CSRNP3: variants seen among roughly 807,000 people sequenced by gnomAD.
The protein encoded by CSRNP3 is cysteine and serine rich nuclear protein 3, also known as cysteine/serine-rich nuclear protein 3.
In CSRNP3, 12 loss-of-function variants were observed where a neutral mutation model predicts 48.0. The ratio of observed to expected loss-of-function variants is 0.25; its 90% CI spans 0.16 to 0.41. The LOEUF (loss-of-function observed/expected upper bound fraction) is 0.41, where lower values mean the gene tolerates loss of function less well. Among genes scored for constraint, CSRNP3 ranks in the 10% least tolerant of loss-of-function variants. The probability of loss-of-function intolerance (pLI) is 1.00; values close to 1 mark genes in which losing one functional copy is unlikely to be tolerated. For missense variants in CSRNP3, 580 were observed against 724.4 expected, an observed-to-expected ratio of 0.80 and a Z score of 2.29; for synonymous variants, 263 against 269.7, an observed-to-expected ratio of 0.98 and a Z score of 0.24.
intron 4 of CSRNP3, among the ~76,000 whole-genome samples, chr2:165,611,312 A>C (rs1028886973): frequency 6.6e-6 from 1 of 151,964 alleles, no homozygotes; most frequent in Non-Finnish European, 1.5e-5. Context: ...GATGATAACT[A>C]TGTGAGGCAA....
intron 3 of CSRNP3, among the ~76,000 whole-genome samples, chr2:165,549,012 CT>C (rs5836044): frequency 1.6e-4 from 23 of 143,200 alleles, no homozygotes; most frequent in Admixed American, 1.4e-4. Flanking sequence ...GAGGTAATGT[CT>C]TTTTTTTTTT....
At chr2:165,652,417 T>C (rs1686926941) in intron 4 of CSRNP3, among the ~76,000 whole-genome samples, 1 of 151,598 alleles carries the variant, frequency 6.6e-6, no homozygotes. Context: ...GGGAATTGCT[T>C]GGACCCAGGA....
chr2:165,495,660 T>C (rs551045172), intron 2 of CSRNP3, among the ~76,000 whole-genome samples: 1 of 152,142 alleles, frequency 6.6e-6, no homozygotes, highest in African/African-American at 2.4e-5. Flanking sequence ...AATCTCAAAA[T>C]TATATTTCAG....
intron 4 of CSRNP3, among the ~76,000 whole-genome samples, chr2:165,628,599 C>T (rs1175641966): frequency 1.3e-5 from 2 of 152,054 alleles, no homozygotes; most frequent in Non-Finnish European, 2.9e-5. Context: ...TGGTGGGCGC[C>T]TATAATCCCA....
At chr2:165,664,256 G>A (rs1280845535) in intron 5 of CSRNP3, among the ~76,000 whole-genome samples, 1 of 152,112 alleles carries the variant, frequency 6.6e-6, no homozygotes, top group Non-Finnish European at 1.5e-5. Context: ...TACAGACTAG[G>A]TCACTGTCCA....
At chr2:165,483,595 T>G (rs1156766141) in intron 1 of CSRNP3, among the ~76,000 whole-genome samples, 1 of 152,238 alleles carries the variant, frequency 6.6e-6, no homozygotes, top group Non-Finnish European at 1.5e-5. Context: ...CAATCAGTTC[T>G]GGTTACCACA....
At chr2:165,616,769 G>T (rs1686251510) in intron 4 of CSRNP3, among the ~76,000 whole-genome samples, 1 of 152,126 alleles carries the variant, frequency 6.6e-6, no homozygotes, top group Non-Finnish European at 1.5e-5. Context: ...GATTGTTTCA[G>T]CTTCTTGTGT....
At chr2:165,644,761 A>G (rs1291695206) in intron 4 of CSRNP3, among the ~76,000 whole-genome samples, 1 of 152,236 alleles carries the variant, frequency 6.6e-6, no homozygotes. Context: ...TGATAATTCT[A>G]TGCCAGACAT....
intron 4 of CSRNP3, among the ~76,000 whole-genome samples, chr2:165,628,930 A>G (rs1686485893): frequency 6.6e-6 from 1 of 152,166 alleles, no homozygotes; most frequent in Non-Finnish European, 1.5e-5. Context: ...AAAGAAAAAG[A>G]AACACTAAGG....
intron 5 of CSRNP3, among the ~76,000 whole-genome samples, chr2:165,660,430 G>A (rs1486371421): frequency 1.3e-5 from 2 of 151,990 alleles, no homozygotes; most frequent in Non-Finnish European, 2.9e-5. Flanking sequence ...GCTCCTATAG[G>A]CATTGAGAAA....
chr2:165,485,911 A>G (rs1467459281), intron 1 of CSRNP3, among the ~76,000 whole-genome samples: 2 of 152,184 alleles, frequency 1.3e-5, no homozygotes, highest in Admixed American at 1.3e-4. Flanking sequence ...TGCCTCAGCC[A>G]TCATCAAATA....
intron 4 of CSRNP3, among the ~76,000 whole-genome samples, chr2:165,614,058 C>CTCTTCAATGTCTTTCATCAGACATT (rs1294662894): frequency 6.6e-6 from 1 of 151,940 alleles, no homozygotes; most frequent in Non-Finnish European, 1.5e-5. Flanking sequence ...TTTTTGTGTC[C>CTCTTCAATGTCTTTCATCAGACATT]TCTTCAATGT....
At chr2:165,565,834 G>T (rs1429720657) in intron 3 of CSRNP3, among the ~76,000 whole-genome samples, 1 of 152,036 alleles carries the variant, frequency 6.6e-6, no homozygotes, top group African/African-American at 2.4e-5. Context: ...AATCTGCACA[G>T]AATACTTTTA....
chr2:165,652,086 T>A (rs903203283), intron 4 of CSRNP3, among the ~76,000 whole-genome samples: 2 of 152,242 alleles, frequency 1.3e-5, no homozygotes, highest in African/African-American at 4.8e-5. Flanking sequence ...AACACCAATA[T>A]GGCCAGATAT....
At chr2:165,643,290 C>G (rs1054608629) in intron 4 of CSRNP3, among the ~76,000 whole-genome samples, 1 of 152,152 alleles carries the variant, frequency 6.6e-6, no homozygotes, top group Non-Finnish European at 1.5e-5. Context: ...CTTACTTGGA[C>G]CATTTCTCAA....
chr2:165,637,558 A>G (rs1686651466), intron 4 of CSRNP3, among the ~76,000 whole-genome samples: 1 of 152,208 alleles, frequency 6.6e-6, no homozygotes, highest in South Asian at 2.1e-4. Context: ...CTGCTCTGCA[A>G]CATACTTTAT....
At chr2:165,622,396 T>C (rs1686355280) in intron 4 of CSRNP3, among the ~76,000 whole-genome samples, 1 of 152,192 alleles carries the variant, frequency 6.6e-6, no homozygotes, top group African/African-American at 2.4e-5. Flanking sequence ...TTGATATCTA[T>C]ATATTAGTTT....
chr2:165,506,284 T>A (rs1684425323), intron 2 of CSRNP3, among the ~76,000 whole-genome samples: 1 of 152,326 alleles, frequency 6.6e-6, no homozygotes, highest in African/African-American at 2.4e-5. Flanking sequence ...TGTCCATTTG[T>A]GCTCAGATAG....
chr2:165,551,079 G>A (rs897470445), intron 3 of CSRNP3, among the ~76,000 whole-genome samples: 2 of 151,236 alleles, frequency 1.3e-5, no homozygotes, highest in Non-Finnish European at 1.5e-5. Context: ...TCCTTCTTAC[G>A]CTATCATTCT....
Sources: allele counts gnomAD v4.1 joint callset (sites outside exome capture counted in the v4.1 genomes callset), GRCh38; gene constraint gnomAD v4.1.1; transcripts MANE v1.5; gene names NCBI Gene and HGNC (gene_info 2026-07-23, HGNC 2026-07-21).